Variants in NRP1 observed in about 807,000 individuals in gnomAD.
The protein encoded by NRP1 is neuropilin 1.
A neutral mutation model predicts 106.7 loss-of-function variants in NRP1; 35 were observed. That is an observed-to-expected ratio of 0.33 (90% CI 0.25 to 0.43). The LOEUF is 0.43. Among genes scored for constraint, NRP1 ranks in the 20% least tolerant of loss-of-function variants. The probability of loss-of-function intolerance (pLI) is 1.00; values close to 1 mark genes in which losing one functional copy is unlikely to be tolerated. For missense variants in NRP1, 1,024 were observed against 1,170.4 expected (o/e 0.87, Z 1.83); for synonymous variants, 437 against 417.9 (o/e 1.05, Z -0.56).
chr10:33,202,982 T>G lies in NRP1; in HGVS notation c.1773A>C (p.Gly591=). ...CCAAGTTCCCGTTGGGAGTGGTCGG[T>G]CCAGCTGTAGGGGCTGAAACAAGAT... ...LGCEVEAPTA[G]PTTPNGNLVD... Residue 591 remains glycine, a synonymous_variant, in exon 11 of 17, where the codon GGA becomes GGC. Coordinates refer to ENST00000374867, the MANE Select transcript of NRP1 (RefSeq NM_003873.7). 1 of 1,613,510 alleles carries G rather than the reference T, an allele frequency of 6.2e-7. No individual in the cohort carries two copies.
At chr10:33,210,942 T>A (rs1413588678) in intron 9 of NRP1, among the ~76,000 whole-genome samples, 1 of 152,170 alleles carries the variant, frequency 6.6e-6, no homozygotes, top group Non-Finnish European at 1.5e-5. Context: ...TTTATTTCAG[T>A]GGAAGGGTGT....
intron 6 of NRP1, among the ~76,000 whole-genome samples, chr10:33,241,279 C>G (rs1043715732): frequency 2.0e-5 from 3 of 152,184 alleles, no homozygotes; most frequent in African/African-American, 4.8e-5. Context: ...GCTCTGAAGA[C>G]ATGTGCTCCC....
At chr10:33,180,448 C>A (rs1265383354) in intron 16 of NRP1, 83 bp from the exon 17 acceptor site, 3 of 1,381,172 alleles carry the variant, frequency 2.2e-6, no homozygotes, top group African/African-American at 2.9e-5. Context: ...AGGAACGAAA[C>A]AGGAGCAAAT....
At chr10:33,219,331 CCA>C (rs1839038894) in intron 8 of NRP1, among the ~76,000 whole-genome samples, 1 of 152,204 alleles carries the variant, frequency 6.6e-6, no homozygotes, top group South Asian at 2.1e-4. Flanking sequence ...AGTGGACAGT[CCA>C]CAGTCAAGCC....
intron 4 of NRP1, among the ~76,000 whole-genome samples, chr10:33,261,151 A>G (rs1842546571): frequency 6.6e-6 from 1 of 152,202 alleles, no homozygotes; most frequent in Non-Finnish European, 1.5e-5. Context: ...AACAAGTGAA[A>G]GGCACCATAG....
chr10:33,187,962 A>G (rs1484035247), intron 13 of NRP1, among the ~76,000 whole-genome samples: 1 of 152,190 alleles, frequency 6.6e-6, no homozygotes, highest in Non-Finnish European at 1.5e-5. Context: ...AAGGGTGTTC[A>G]CAAATGGCAG....
intron 1 of NRP1, among the ~76,000 whole-genome samples, chr10:33,331,465 G>A (rs1359061093): frequency 6.6e-6 from 1 of 152,230 alleles, no homozygotes; most frequent in East Asian, 1.9e-4. Context: ...AGAGAACAAA[G>A]TATATTTGGT....
chr10:33,321,826 C>T (rs1847531838), intron 2 of NRP1, among the ~76,000 whole-genome samples: 1 of 152,186 alleles, frequency 6.6e-6, no homozygotes, highest in Admixed American at 6.5e-5. Context: ...CCTCTTTCAG[C>T]CCGGGACTGG....
At chr10:33,219,259 C>T (rs1839033122) in intron 8 of NRP1, among the ~76,000 whole-genome samples, 1 of 152,146 alleles carries the variant, frequency 6.6e-6, no homozygotes, top group Admixed American at 6.5e-5. Flanking sequence ...TCCTCACAGA[C>T]CAGAAAACGG....
At chr10:33,251,080 AG>A (rs1287825106) in intron 6 of NRP1, among the ~76,000 whole-genome samples, 5 of 152,086 alleles carry the variant, frequency 3.3e-5, no homozygotes, top group African/African-American at 1.2e-4. Flanking sequence ...CCCAGCATTG[AG>A]GGAGGGGCCT....
At chr10:33,300,204 G>A (rs371539073) in intron 2 of NRP1, among the ~76,000 whole-genome samples, 31 of 152,240 alleles carry the variant, frequency 2.0e-4, no homozygotes, top group African/African-American at 7.2e-4. Flanking sequence ...AATCACCAAC[G>A]AGCTTTCAAG....
chr10:33,199,705 AG>A (rs959638614), intron 11 of NRP1, among the ~76,000 whole-genome samples: 5 of 152,118 alleles, frequency 3.3e-5, no homozygotes, highest in African/African-American at 1.2e-4. Flanking sequence ...GTCCAGATAC[AG>A]TATTGAACCA....
chr10:33,257,529 G>T (rs1196786653), intron 4 of NRP1, among the ~76,000 whole-genome samples: 1 of 152,108 alleles, frequency 6.6e-6, no homozygotes, highest in Admixed American at 6.5e-5. Context: ...CCCAGCTACT[G>T]GGGAGGCTGA....
chr10:33,194,870 G>A, intron 12 of NRP1: 2 of 431,090 alleles, frequency 4.6e-6, no homozygotes, highest in Admixed American at 3.0e-5. Flanking sequence ...AAGGGAGAGA[G>A]AAAAGGAGAG....
chr10:33,186,272 C>T lies in NRP1; in HGVS notation c.2279G>A (p.Gly760Asp), dbSNP rs370641686. 5.6e-6 allele frequency: 9 copies of T among 1,613,900 alleles called. No individual in the cohort carries two copies. The highest frequency in any genetic ancestry group is 1.6e-4 in the Middle Eastern group (1 of 6,082). Reference sequence around the variant, plus strand: ...GACACGCCCTTCCTTCCAGTGGTCACCTTGGTGTCCAATGGCCATCCAGAC... The same window carrying T: ...GACACGCCCTTCCTTCCAGTGGTCATCTTGGTGTCCAATGGCCATCCAGAC... The part of the protein sequence containing the change: ...QLVWMAIGHQ[G>D]DHWKEGRVLL... Residue 760 changes from glycine (G) to aspartate (D), a missense_variant, in exon 14 of 17, where the codon GGT becomes GAT. By Grantham distance (94) the Gly-to-Asp change is moderately conservative. Coordinates refer to ENST00000374867, the MANE Select transcript of NRP1 (RefSeq NM_003873.7).
At chr10:33,281,205 A>G (rs528424093) in intron 2 of NRP1, among the ~76,000 whole-genome samples, 1 of 151,950 alleles carries the variant, frequency 6.6e-6, no homozygotes, top group Non-Finnish European at 1.5e-5. Flanking sequence ...AAGCACCACC[A>G]CACCCAGCTA....
chr10:33,318,581 G>A (rs957350891), intron 2 of NRP1, among the ~76,000 whole-genome samples: 2 of 151,918 alleles, frequency 1.3e-5, no homozygotes, highest in Non-Finnish European at 2.9e-5. Flanking sequence ...AATTGGCATG[G>A]GGAGAAACGG....
intron 16 of NRP1, among the ~76,000 whole-genome samples, chr10:33,182,051 G>A (rs966446138): frequency 5.9e-5 from 9 of 152,050 alleles, no homozygotes; most frequent in South Asian, 2.1e-4. Context: ...CTGAGATCAC[G>A]CCACTGCACT....
intron 10 of NRP1, 42 bp from the exon 11 acceptor site, chr10:33,203,037 T>A: frequency 6.4e-7 from 1 of 1,568,608 alleles, no homozygotes; most frequent in Non-Finnish European, 8.7e-7. Context: ...ACCTTGGAAA[T>A]GTATTCTCAA....
Sources: gnomAD v4.1 joint callset for allele counts (sites outside exome capture counted in the v4.1 genomes callset) on GRCh38, gnomAD v4.1.1 for gene constraint, MANE v1.5 for transcripts, NCBI Gene and HGNC (gene_info 2026-07-23, HGNC 2026-07-21) for gene names.